CPLX2: variants seen among roughly 807,000 people sequenced by gnomAD.
CPLX2 encodes complexin-2.
In CPLX2, 5 loss-of-function variants were observed where a neutral mutation model predicts 16.3. The observed-to-expected ratio is 0.31, with a 90% CI of 0.16 to 0.64. CPLX2 has a LOEUF of 0.64. Among genes scored for constraint, CPLX2 ranks in the 30% least tolerant of loss-of-function variants. The probability of loss-of-function intolerance (pLI) is 0.79; values close to 1 mark genes in which losing one functional copy is unlikely to be tolerated. For synonymous variants in CPLX2, 89 were observed against 73.2 expected, an observed-to-expected ratio of 1.22 and a Z score of -1.10; for missense variants, 144 against 181.4, an observed-to-expected ratio of 0.79 and a Z score of 1.18.
At chr5:175,829,071 G>T (rs1364916401) in intron 2 of CPLX2, among the ~76,000 whole-genome samples, 1 of 152,198 alleles carries the variant, frequency 6.6e-6, no homozygotes, top group African/African-American at 2.4e-5. Flanking sequence ...AGGACCCTGG[G>T]AATAGGCCTC....
intron 1 of CPLX2, among the ~76,000 whole-genome samples, chr5:175,876,692 C>T (rs1759766945): frequency 6.6e-6 from 1 of 152,122 alleles, no homozygotes; most frequent in African/African-American, 2.4e-5. Context: ...GGGTGCCCTG[C>T]CTACCAATTT....
intron 2 of CPLX2, among the ~76,000 whole-genome samples, chr5:175,831,869 G>A (rs930753381): frequency 1.5e-4 from 23 of 152,190 alleles, no homozygotes; most frequent in Non-Finnish European, 2.9e-4. Flanking sequence ...ATTTGAGTTG[G>A]GGTTTAAGAG....
Position 175,800,487 on chromosome 5 carries a change from G to GAA in CPLX2, c.-169+3714_-169+3715dup, listed in dbSNP as rs11403547. Among the ~76,000 whole-genome samples, 656 of 147,394 alleles carry GAA rather than the reference G, an allele frequency of 4.5e-3. 2 individuals are homozygous for GAA. Among genetic ancestry groups the GAA allele is most frequent in the Middle Eastern group, 7.1e-3 (2 of 280 alleles). ...GCAACAAGGCAAGACTCTGTCTCCAGAAAAAAAAAAAACAAGTGCCTTGTT... is the reference window on the plus strand; with the variant it reads ...GCAACAAGGCAAGACTCTGTCTCCAGAAAAAAAAAAAAAACAAGTGCCTTGTT... On this transcript the variant is annotated intron_variant, in intron 1 of 4. Coordinates refer to the CPLX2 transcript ENST00000359546.
At chr5:175,815,650 C>T (rs1366525100) in intron 2 of CPLX2, among the ~76,000 whole-genome samples, 1 of 152,176 alleles carries the variant, frequency 6.6e-6, no homozygotes, top group East Asian at 1.9e-4. Flanking sequence ...AGTTTGTGAC[C>T]ATGGGAACTA....
chr5:175,857,892 G>C (rs979106944), intron 2 of CPLX2, among the ~76,000 whole-genome samples: 3 of 152,228 alleles, frequency 2.0e-5, no homozygotes, highest in African/African-American at 4.8e-5. Flanking sequence ...TGTTAAGTGA[G>C]CACGAAGGTG....
chr5:175,879,060 G>A lies in CPLX2; in HGVS notation c.184G>A (p.Val62Ile). The change falls in exon 3 of 4, where the codon GTC becomes ATC. Residue 62 changes from valine to isoleucine, a missense_variant. Transcript: ENST00000393745. The stretch of plus-strand genomic sequence containing the variant: ...GCGCATGGAGGCGGAGCGGGAGAAG[G>A]TCCGGCAGCAGATCCGAGATAAGGT... ...HARMEAEREK[V>I]RQQIRDKYGL... is the part of the protein sequence containing the mutation. 2 of 1,581,122 alleles carry A rather than the reference G, an allele frequency of 1.3e-6. No homozygotes were observed. Among genetic ancestry groups the A allele is most frequent in the Non-Finnish European group, 1.7e-6 (2 of 1,164,158 alleles).
At chr5:175,815,957 G>A (rs1014084450) in intron 2 of CPLX2, among the ~76,000 whole-genome samples, 2 of 152,228 alleles carry the variant, frequency 1.3e-5, no homozygotes, top group African/African-American at 4.8e-5. Flanking sequence ...GGGGCCTATA[G>A]GGACTGCAGG....
chr5:175,815,472 G>A (rs11134932), intron 2 of CPLX2, among the ~76,000 whole-genome samples: 118,513 of 152,086 alleles, frequency 0.78, 46,276 homozygotes, highest in East Asian at 0.9. Context: ...TACCACTCCA[G>A]CAGTTACCAC....
intron 2 of CPLX2, among the ~76,000 whole-genome samples, chr5:175,855,894 G>A (rs577456775): frequency 3.3e-5 from 5 of 152,176 alleles, no homozygotes; most frequent in African/African-American, 9.6e-5. Flanking sequence ...GGTGCTATAC[G>A]GAAGAAAGGC....
intron 2 of CPLX2, among the ~76,000 whole-genome samples, chr5:175,833,319 G>C (rs748390579): frequency 6.6e-6 from 1 of 152,130 alleles, no homozygotes; most frequent in Admixed American, 6.6e-5. Flanking sequence ...AGATGAGAAG[G>C]GCTGGCTGCT....
chr5:175,879,706 C>A (rs775048024), intron 3 of CPLX2, 142 bp from the exon 4 acceptor site: 3 of 781,856 alleles, frequency 3.8e-6, no homozygotes, highest in South Asian at 1.5e-5. Flanking sequence ...GGGAAGACAC[C>A]CTTATCCCCA....
intron 1 of CPLX2, among the ~76,000 whole-genome samples, chr5:175,874,676 T>C (rs1759716370): frequency 6.6e-6 from 1 of 152,030 alleles, no homozygotes; most frequent in African/African-American, 2.4e-5. Flanking sequence ...ATTATCCATG[T>C]GACAACATCC....
intron 2 of CPLX2, among the ~76,000 whole-genome samples, chr5:175,837,163 A>G (rs1408695383): frequency 2.6e-5 from 4 of 152,186 alleles, no homozygotes; most frequent in Non-Finnish European, 5.9e-5. Context: ...TGACCTGGTC[A>G]AGGTCACAGG....
intron 2 of CPLX2, among the ~76,000 whole-genome samples, chr5:175,833,960 C>CA (rs1561777870): frequency 6.6e-6 from 1 of 152,230 alleles, no homozygotes; most frequent in Non-Finnish European, 1.5e-5. Flanking sequence ...TGCATGGCTC[C>CA]AGCCCCCATG....
chr5:175,803,959 A>G (rs1022727139), intron 1 of CPLX2, among the ~76,000 whole-genome samples: 39 of 152,302 alleles, frequency 2.6e-4, no homozygotes, highest in African/African-American at 7.2e-4. Context: ...GGGAGGATGC[A>G]GGGGGAGGGA....
In CPLX2 at chr5:175,879,971, G is replaced by A; in HGVS notation, c.331G>A (p.Glu111Lys). Residue 111 changes from glutamate (E) to lysine (K), a missense_variant, in exon 4 of 4, where the codon GAG becomes AAG. By Grantham distance (56) the Glu-to-Lys change is moderately conservative. Coordinates refer to ENST00000393745, the MANE Select transcript of CPLX2 (RefSeq NM_001008220.2). ...TGCGGGCTGCGGGGACGAGGAGGAGGAGGAAGAGGAGAGCATCCTGGACAC... is the reference window on the plus strand; with the variant it reads ...TGCGGGCTGCGGGGACGAGGAGGAGAAGGAAGAGGAGAGCATCCTGGACAC... ...IPAGCGDEEE[E>K]EEESILDTVL... The A allele has an allele frequency of 2.5e-6, 4 of 1,614,100 alleles. No homozygotes were observed. Among genetic ancestry groups the A allele is most frequent in the Non-Finnish European group, 3.4e-6 (4 of 1,179,990 alleles).
intron 2 of CPLX2, among the ~76,000 whole-genome samples, chr5:175,860,751 G>T (rs1221190995): frequency 6.6e-6 from 1 of 152,096 alleles, no homozygotes; most frequent in Non-Finnish European, 1.5e-5. Context: ...TGGCTATCCA[G>T]CACTCTAATT....
intron 1 of CPLX2, among the ~76,000 whole-genome samples, chr5:175,807,934 C>T (rs905658559): frequency 1.3e-5 from 2 of 152,230 alleles, no homozygotes; most frequent in Non-Finnish European, 2.9e-5. Context: ...CCGTTCATGC[C>T]TCTCATCCTT....
upstream of CPLX2, chr5:175,871,459 G>C (rs908027523): frequency 7.0e-6 from 1 of 142,550 alleles, no homozygotes; most frequent in Non-Finnish European, 1.6e-5. Context: ...GAGAGAGAGA[G>C]AGAGAGAGAG....
Sources: gnomAD v4.1 joint callset for allele counts (sites outside exome capture counted in the v4.1 genomes callset) on GRCh38, gnomAD v4.1.1 for gene constraint, MANE v1.5 for transcripts, NCBI Gene and HGNC (gene_info 2026-07-23, HGNC 2026-07-21) for gene names.